The following RPL26L1 variants were observed in gnomAD, a reference collection of about 807,000 sequenced individuals.
RPL26L1 encodes ribosomal protein uL24-like.
RPL26L1 carries 8 observed loss-of-function variants against 15.2 expected under a neutral mutation model. That is an observed-to-expected ratio of 0.53 (90% confidence interval 0.31 to 0.95). The LOEUF is 0.95. RPL26L1 is among the 40% of genes least tolerant of loss of function. The pLI is 0.05. For synonymous variants in RPL26L1, 51 were observed against 65.9 expected (o/e 0.77, Z 1.09); for missense variants, 146 against 190.9 (o/e 0.76, Z 1.39).
upstream of RPL26L1, chr5:172,955,120 C>G: frequency 2.9e-6 from 1 of 350,508 alleles, no homozygotes; most frequent in Non-Finnish European, 5.5e-6. Flanking sequence ...TAAATAGTAG[C>G]TGTGGTTAGT....
chr5:172,969,096 A>G (rs1018516447), intron 3 of RPL26L1, among the ~76,000 whole-genome samples: 11 of 151,962 alleles, frequency 7.2e-5, no homozygotes, highest in African/African-American at 2.7e-4. Context: ...GTGAGCCATC[A>G]TGGCCGGCCG....
At chr5:172,959,258 C>A, upstream of RPL26L1, 2 of 412,324 alleles carry the variant, frequency 4.9e-6, no homozygotes, top group Non-Finnish European at 3.3e-6. Context: ...GCCTCTACCG[C>A]AGGCCCTACA....
intron 2 of RPL26L1, among the ~76,000 whole-genome samples, chr5:172,966,669 T>C (rs35810417): frequency 0.66 from 100,965 of 151,988 alleles, 37,477 homozygotes; most frequent in Non-Finnish European, 0.82. Flanking sequence ...AGGTGTGTCC[T>C]GAGAGTCTCT....
chr5:172,954,644 G>A, upstream of RPL26L1: 1 of 259,274 alleles, frequency 3.9e-6, no homozygotes, highest in South Asian at 4.0e-5. Flanking sequence ...GAGGGAGAGA[G>A]ACAGAGAACG....
At chr5:172,960,975 C>A (rs1019079011) in intron 2 of RPL26L1, among the ~76,000 whole-genome samples, 8 of 151,980 alleles carry the variant, frequency 5.3e-5, no homozygotes, top group African/African-American at 1.7e-4. Context: ...GGCCTCTCCC[C>A]ACTAGATGCC....
At chr5:172,958,480 G>A (rs998052525), upstream of RPL26L1, 13 of 455,516 alleles carry the variant, frequency 2.9e-5, no homozygotes, top group Non-Finnish European at 4.0e-5. Flanking sequence ...TGAACGAAAG[G>A]GAGAGTTGGA....
upstream of RPL26L1, among the ~76,000 whole-genome samples, chr5:172,956,641 T>G (rs561623004): frequency 6.6e-6 from 1 of 152,318 alleles, no homozygotes; most frequent in South Asian, 2.1e-4. Context: ...AAGGGTTCAT[T>G]TAATCCTGAC....
chr5:172,968,616 A>C lies in RPL26L1; in HGVS notation c.309+17A>C. On this transcript the variant is annotated intron_variant, in intron 3 of 3. Coordinates refer to ENST00000265100, the MANE Select transcript of RPL26L1 (RefSeq NM_016093.4). ...CCAAGCAAGGTATGGTCAAGGACTG[A>C]GTGGCAGTAGCAGCCATGGAGTGTG... The C allele has an allele frequency of 6.2e-7, 1 of 1,613,714 alleles. No homozygotes were observed. The highest frequency in any genetic ancestry group is 2.2e-5 in the East Asian group (1 of 44,852).
At chr5:172,963,769 T>C (rs548413950) in intron 2 of RPL26L1, among the ~76,000 whole-genome samples, 1 of 152,242 alleles carries the variant, frequency 6.6e-6, no homozygotes, top group Non-Finnish European at 1.5e-5. Flanking sequence ...CAGGTCAGTT[T>C]TGGCAAATGT....
intron 2 of RPL26L1, among the ~76,000 whole-genome samples, chr5:172,961,072 TC>T (rs1323753653): frequency 1.3e-5 from 2 of 152,154 alleles, no homozygotes; most frequent in African/African-American, 4.8e-5. Flanking sequence ...AATCAACTCT[TC>T]CCTCACTCAG....
At chr5:172,960,085 T>C in intron 2 of RPL26L1, 44 bp downstream of exon 2, 1 of 1,609,416 alleles carries the variant, frequency 6.2e-7, no homozygotes, top group Non-Finnish European at 8.5e-7. Context: ...CACCGTTGCC[T>C]AAGAACGTCA....
At chr5:172,966,883 G>C (rs1755476703) in intron 2 of RPL26L1, among the ~76,000 whole-genome samples, 1 of 150,342 alleles carries the variant, frequency 6.7e-6, no homozygotes, top group Non-Finnish European at 1.5e-5. Context: ...TTGAGGCGGT[G>C]TCTCGCTCTG....
chr5:172,966,535 G>C (rs906586867), intron 2 of RPL26L1, among the ~76,000 whole-genome samples: 1 of 151,874 alleles, frequency 6.6e-6, no homozygotes, highest in Non-Finnish European at 1.5e-5. Context: ...AGGCCAAGGT[G>C]GGTGGATCTC....
At chr5:172,962,815 CAAAAAAAAAAA>C (rs56210758) in intron 2 of RPL26L1, among the ~76,000 whole-genome samples, 2 of 61,956 alleles carry the variant, frequency 3.2e-5, no homozygotes, top group Non-Finnish European at 6.3e-5. Flanking sequence ...GGCTCTGTCT[CAAAAAAAAAAA>C]AAAAAAAAAA....
intron 2 of RPL26L1, among the ~76,000 whole-genome samples, chr5:172,962,399 T>G (rs749090039): frequency 9.2e-5 from 14 of 152,108 alleles, no homozygotes; most frequent in Non-Finnish European, 1.3e-4. Flanking sequence ...TCCCAGCTAC[T>G]CGGGAGGCTG....
chr5:172,958,124 C>A (rs1404520737), upstream of RPL26L1: 2 of 308,568 alleles, frequency 6.5e-6, no homozygotes, highest in Admixed American at 4.0e-5. Flanking sequence ...ATTAGCCGGG[C>A]GTGGTGGCGC....
At chr5:172,957,087 C>G, upstream of RPL26L1, 4 of 428,872 alleles carry the variant, frequency 9.3e-6, no homozygotes, top group South Asian at 6.6e-5. Flanking sequence ...CAAACCCAAG[C>G]GATTTGGGTG....
At chr5:172,958,665 G>A, upstream of RPL26L1, 1 of 271,598 alleles carries the variant, frequency 3.7e-6, no homozygotes, top group Non-Finnish European at 7.8e-6. Context: ...CAGGGTCCGC[G>A]CAAAGTGTCG....
chr5:172,966,329 T>A (rs1183556938), intron 2 of RPL26L1, among the ~76,000 whole-genome samples: 1 of 132,516 alleles, frequency 7.5e-6, no homozygotes, highest in African/African-American at 2.8e-5. Flanking sequence ...TTTTTTTTTT[T>A]TTTTTTTTTT....
Sources: gnomAD v4.1 joint callset for allele counts (sites outside exome capture counted in the v4.1 genomes callset) on GRCh38, gnomAD v4.1.1 for gene constraint, MANE v1.5 for transcripts, NCBI Gene and HGNC (gene_info 2026-07-23, HGNC 2026-07-21) for gene names.